The following NOS1AP variants were observed in gnomAD, a reference collection of about 807,000 sequenced individuals.
The protein encoded by NOS1AP is nitric oxide synthase 1 adaptor protein, also known as carboxyl-terminal PDZ ligand of neuronal nitric oxide synthase protein.
In NOS1AP, 21 loss-of-function variants were observed where a neutral mutation model predicts 56.2. That is an observed-to-expected ratio of 0.37 (90% CI 0.26 to 0.54). The LOEUF (loss-of-function observed/expected upper bound fraction) is 0.54. Among genes scored for constraint, NOS1AP ranks in the 20% least tolerant of loss-of-function variants. The probability of loss-of-function intolerance (pLI) is 0.84; values close to 1 mark genes in which losing one functional copy is unlikely to be tolerated. For synonymous variants in NOS1AP, 270 were observed against 274.6 expected, an observed-to-expected ratio of 0.98 and a Z score of 0.17; for missense variants, 522 against 657.8, an observed-to-expected ratio of 0.79 and a Z score of 2.26.
intron 1 of NOS1AP, among the ~76,000 whole-genome samples, chr1:162,075,766 CCAGA>C (rs1372855153): frequency 7.8e-6 from 1 of 127,862 alleles, no homozygotes; most frequent in Non-Finnish European, 1.8e-5. Context: ...TATCTTCTGC[CCAGA>C]CTACTTTTTT....
At chr1:162,164,413 A>C (rs981812371) in intron 2 of NOS1AP, among the ~76,000 whole-genome samples, 1 of 152,228 alleles carries the variant, frequency 6.6e-6, no homozygotes, top group Non-Finnish European at 1.5e-5. Flanking sequence ...TGTACAACTC[A>C]GTGACATTAA....
At chr1:162,094,180 G>T (rs1692189583) in intron 1 of NOS1AP, among the ~76,000 whole-genome samples, 1 of 152,186 alleles carries the variant, frequency 6.6e-6, no homozygotes, top group African/African-American at 2.4e-5. Context: ...CCTCTTGGGA[G>T]GAGGAGGGGG....
rs1188703389 is a variant in NOS1AP, at chr1:162,292,901, G to A, written c.270+5465G>A. On this transcript the variant is annotated intron_variant, in intron 3 of 9. Transcript: ENST00000361897. ...CTGATCCTCTAATTGATTAGATGTG[G>A]CAACAGGATAAGAGAAGTCCAGTGA... Among the ~76,000 whole-genome samples the A allele has an allele frequency of 2.6e-5, 4 of 152,142 alleles. No homozygotes were observed. In the East Asian group the frequency reaches 7.7e-4, roughly 29 times the overall value.
At chr1:162,119,057 G>T (rs140798689) in intron 1 of NOS1AP, among the ~76,000 whole-genome samples, 1 of 152,286 alleles carries the variant, frequency 6.6e-6, no homozygotes, top group East Asian at 1.9e-4. Flanking sequence ...TGGTAATTTT[G>T]CCATCATCTG....
intron 2 of NOS1AP, among the ~76,000 whole-genome samples, chr1:162,268,318 C>A (rs765044324): frequency 7.6e-5 from 11 of 144,782 alleles, no homozygotes; most frequent in African/African-American, 2.7e-4. Flanking sequence ...GTAGCTCCCC[C>A]CCCCTATTTC....
At chr1:162,333,419 A>G (rs548292675) in intron 5 of NOS1AP, among the ~76,000 whole-genome samples, 103 of 152,272 alleles carry the variant, frequency 6.8e-4, no homozygotes, top group African/African-American at 2.4e-3. Context: ...GGTAGGAAAA[A>G]AGCATTGTCA....
intron 2 of NOS1AP, among the ~76,000 whole-genome samples, chr1:162,194,052 A>T (rs1651724715): frequency 6.6e-6 from 1 of 152,106 alleles, no homozygotes; most frequent in Non-Finnish European, 1.5e-5. Flanking sequence ...TCAGATATAC[A>T]CACTCTGCTT....
At chr1:162,289,223 T>TTCCTTCCTTCCTTC (rs1655193511) in intron 3 of NOS1AP, among the ~76,000 whole-genome samples, 4 of 28,376 alleles carry the variant, frequency 1.4e-4, no homozygotes, top group African/African-American at 6.0e-4. Flanking sequence ...CTTCCTTCCT[T>TTCCTTCCTTCCTTC]CCTTCCTTCC....
chr1:162,241,504 C>A (rs1013693270), intron 2 of NOS1AP, among the ~76,000 whole-genome samples: 1 of 152,130 alleles, frequency 6.6e-6, no homozygotes, highest in Non-Finnish European at 1.5e-5. Context: ...GCTGGGCAAC[C>A]TTCTGAGTGC....
intron 1 of NOS1AP, among the ~76,000 whole-genome samples, chr1:162,100,784 T>G (rs1692376413): frequency 6.6e-6 from 1 of 152,144 alleles, no homozygotes; most frequent in African/African-American, 2.4e-5. Flanking sequence ...AATTAGGTCA[T>G]TTGTTTTTTT....
intron 2 of NOS1AP, among the ~76,000 whole-genome samples, chr1:162,205,564 A>C (rs1652134263): frequency 1.3e-5 from 2 of 152,206 alleles, no homozygotes; most frequent in African/African-American, 4.8e-5. Context: ...ATACCACTCT[A>C]ATATTCTCGT....
intron 7 of NOS1AP, 33 bp from the exon 8 acceptor site, chr1:162,356,927 C>T (rs1442369367): frequency 6.2e-7 from 1 of 1,613,694 alleles, no homozygotes; most frequent in Non-Finnish European, 8.5e-7. Context: ...GCTCCTGCCA[C>T]ATGTCATGTC....
chr1:162,345,466 G>A (rs540604962), intron 6 of NOS1AP, among the ~76,000 whole-genome samples: 5 of 152,130 alleles, frequency 3.3e-5, no homozygotes, highest in African/African-American at 7.2e-5. Flanking sequence ...AGCAAAAGAG[G>A]TACCACAGTA....
chr1:162,165,534 G>C (rs960643202), intron 2 of NOS1AP, among the ~76,000 whole-genome samples: 3 of 152,126 alleles, frequency 2.0e-5, no homozygotes, highest in Non-Finnish European at 2.9e-5. Context: ...GTACCAAGAG[G>C]TTAAATAACT....
chr1:162,271,711 T>C (rs1654587021), intron 2 of NOS1AP, among the ~76,000 whole-genome samples: 1 of 152,186 alleles, frequency 6.6e-6, no homozygotes, highest in African/African-American at 2.4e-5. Context: ...CTTAGTCAGC[T>C]TGGGCTTCTA....
At chr1:162,159,048 G>A (rs1223384650) in intron 2 of NOS1AP, among the ~76,000 whole-genome samples, 3 of 152,210 alleles carry the variant, frequency 2.0e-5, no homozygotes, top group Non-Finnish European at 4.4e-5. Context: ...GCTGGTTGAA[G>A]GTGCAGGGTG....
intron 1 of NOS1AP, among the ~76,000 whole-genome samples, chr1:162,098,369 A>G (rs1692297465): frequency 6.6e-6 from 1 of 151,896 alleles, no homozygotes; most frequent in Admixed American, 6.5e-5. Context: ...AGCCTCCCAA[A>G]GTGCTGGGAT....
chr1:162,246,144 T>A (rs1653654623), intron 2 of NOS1AP, among the ~76,000 whole-genome samples: 1 of 152,210 alleles, frequency 6.6e-6, no homozygotes, highest in Non-Finnish European at 1.5e-5. Flanking sequence ...AGAGGTAACT[T>A]AGACCTTCTG....
intron 1 of NOS1AP, among the ~76,000 whole-genome samples, chr1:162,129,797 C>G (rs1459122080): frequency 1.3e-5 from 2 of 152,196 alleles, no homozygotes; most frequent in South Asian, 4.1e-4. Flanking sequence ...CCGTCTCCCT[C>G]TTTTTGGCCT....
Sources: gnomAD v4.1 joint callset for allele counts (sites outside exome capture counted in the v4.1 genomes callset) on GRCh38, gnomAD v4.1.1 for gene constraint, MANE v1.5 for transcripts, NCBI Gene and HGNC (gene_info 2026-07-23, HGNC 2026-07-21) for gene names.